Variants in TMEM131 observed in about 807,000 individuals in gnomAD.
TMEM131 encodes transmembrane protein 131.
In TMEM131, 66 loss-of-function variants were observed where a neutral mutation model predicts 211.6. The observed-to-expected ratio is 0.31, with a 90% CI of 0.26 to 0.38. The LOEUF (loss-of-function observed/expected upper bound fraction) is 0.38, where lower values mean the gene tolerates loss of function less well. Ranked by LOEUF, TMEM131 falls within the 10% of genes least tolerant of loss-of-function variation. The probability of loss-of-function intolerance (pLI) is 1.00; values close to 1 mark genes in which losing one functional copy is unlikely to be tolerated. For synonymous variants in TMEM131, 844 were observed against 841.3 expected, an observed-to-expected ratio of 1.00 and a Z score of -0.06; for missense variants, 2,036 against 2,299.3, an observed-to-expected ratio of 0.89 and a Z score of 2.34.
At chr2:97,836,661 T>C (rs1010814238) in intron 8 of TMEM131, among the ~76,000 whole-genome samples, 2 of 152,186 alleles carry the variant, frequency 1.3e-5, no homozygotes, top group African/African-American at 4.8e-5. Context: ...CCTTTACCAA[T>C]GGTGAATCTG....
At chr2:97,827,560 A>C in intron 11 of TMEM131, 5 of 921,168 alleles carry the variant, frequency 5.4e-6, no homozygotes, top group South Asian at 3.9e-5. Context: ...ATAACCATAT[A>C]CCATGTCTTA....
At chr2:97,839,231 G>C (rs1234811177) in intron 7 of TMEM131, among the ~76,000 whole-genome samples, 3 of 152,112 alleles carry the variant, frequency 2.0e-5, no homozygotes, top group Non-Finnish European at 2.9e-5. Context: ...GGAGACTGAG[G>C]TAAAAGGATT....
At chr2:97,980,144 C>T (rs1041581161) in intron 1 of TMEM131, among the ~76,000 whole-genome samples, 1 of 152,100 alleles carries the variant, frequency 6.6e-6, no homozygotes, top group Non-Finnish European at 1.5e-5. Context: ...AAAACAATTA[C>T]ACAATCACAT....
intron 33 of TMEM131, among the ~76,000 whole-genome samples, chr2:97,767,083 C>G (rs867660095): frequency 7.9e-5 from 12 of 152,140 alleles, no homozygotes; most frequent in Non-Finnish European, 1.2e-4. Context: ...ACAAATTTTT[C>G]TCATAGAAAT....
Position 97,912,987 on chromosome 2 carries a change from G to A in TMEM131, c.250-4289C>T, listed in dbSNP as rs1430633579. On this transcript the variant is annotated intron_variant, in intron 2 of 40. Coordinates refer to ENST00000186436, the MANE Select transcript of TMEM131 (RefSeq NM_015348.2). ...CTGATAATTTTATCCCTGTAACTCA[G>A]TGGTTCTCAACCGAGGGCAATTTTG... 7.9e-5 allele frequency: 12 copies of A among 152,164 alleles called. 1 individual carries two copies. The allele number at this position is 152,164 out of a possible 1,614,324, so 9.4% of individuals were successfully genotyped here.
intron 3 of TMEM131, among the ~76,000 whole-genome samples, chr2:97,908,178 A>G (rs1676149313): frequency 6.6e-6 from 1 of 152,100 alleles, no homozygotes; most frequent in African/African-American, 2.4e-5. Flanking sequence ...GCATGTACCT[A>G]TTTTCCTTAA....
At chr2:97,776,334 C>T (rs1679728689) in intron 31 of TMEM131, among the ~76,000 whole-genome samples, 1 of 152,158 alleles carries the variant, frequency 6.6e-6, no homozygotes, top group African/African-American at 2.4e-5. Flanking sequence ...GGATTACAGG[C>T]GTGAGCCACC....
chr2:97,853,606 G>C (rs1264925279), intron 5 of TMEM131, among the ~76,000 whole-genome samples: 2 of 100,730 alleles, frequency 2.0e-5, no homozygotes, highest in African/African-American at 7.9e-5. Flanking sequence ...ACCCCGTCTT[G>C]GAAAAAAAAA....
rs750764872 is a variant in TMEM131, at chr2:97,805,110, T to G, written c.2380A>C (p.Ile794Leu). ...CACCTATGACCTGAATTTTCCTTTA[T>G]TCCTGTCCATCCCTTGAACAGGCTT... Reference protein sequence around the residue: ...HQSLFKGWTGIKENSGHRLSA... With the variant: ...HQSLFKGWTGLKENSGHRLSA... Residue 794 changes from isoleucine to leucine, a missense_variant, in exon 22 of 41, where the codon ATA becomes CTA. Ile to Leu is a conservative substitution (Grantham distance 5, BLOSUM62 2). Coordinates refer to ENST00000186436, the MANE Select transcript of TMEM131 (RefSeq NM_015348.2). 6.2e-7 allele frequency: 1 copy of G among 1,613,026 alleles called. No individual in the cohort carries two copies. The highest frequency in any genetic ancestry group is 1.1e-5 in the South Asian group (1 of 90,880).
intron 11 of TMEM131, among the ~76,000 whole-genome samples, chr2:97,829,150 G>A (rs954891065): frequency 1.3e-5 from 2 of 152,190 alleles, no homozygotes; most frequent in Non-Finnish European, 2.9e-5. Context: ...ACAGCAGTTG[G>A]GGTGTCCTAT....
intron 19 of TMEM131, among the ~76,000 whole-genome samples, chr2:97,806,539 TCAAA>T (rs753846713): frequency 3.9e-5 from 6 of 152,140 alleles, no homozygotes; most frequent in South Asian, 4.1e-4. Context: ...AGACTCCATC[TCAAA>T]CAAACAAACA....
intron 2 of TMEM131, among the ~76,000 whole-genome samples, chr2:97,919,578 T>G (rs1371126157): frequency 6.6e-6 from 1 of 152,224 alleles, no homozygotes; most frequent in African/African-American, 2.4e-5. Flanking sequence ...GCTTTGACTT[T>G]TCTTTTTTTG....
At chr2:97,944,265 T>G (rs1677931953) in intron 1 of TMEM131, among the ~76,000 whole-genome samples, 1 of 151,994 alleles carries the variant, frequency 6.6e-6, no homozygotes, top group Non-Finnish European at 1.5e-5. Flanking sequence ...CTGGAATAAC[T>G]AGGTATCTGC....
intron 1 of TMEM131, among the ~76,000 whole-genome samples, chr2:97,960,303 C>A (rs1678761606): frequency 6.6e-6 from 1 of 152,178 alleles, no homozygotes; most frequent in Non-Finnish European, 1.5e-5. Context: ...ATTCCTTGTA[C>A]ATTTACTAGA....
intron 1 of TMEM131, among the ~76,000 whole-genome samples, chr2:97,988,887 T>C (rs934682474): frequency 5.3e-5 from 8 of 152,184 alleles, no homozygotes; most frequent in African/African-American, 1.9e-4. Context: ...TATCACATGA[T>C]CCAGAAATCT....
intron 2 of TMEM131, 36 bp from the exon 3 acceptor site, chr2:97,908,734 A>G: frequency 6.4e-7 from 1 of 1,560,476 alleles, no homozygotes; most frequent in Non-Finnish European, 8.8e-7. Flanking sequence ...AAAAAACTGA[A>G]GCCAAATATT....
At chr2:97,762,341 G>GAA in intron 35 of TMEM131, 141 bp from the exon 36 acceptor site, 1 of 808,382 alleles carries the variant, frequency 1.2e-6, no homozygotes, top group Non-Finnish European at 1.9e-6. Flanking sequence ...GATGTGTTCT[G>GAA]TTTAACAGGT....
At chr2:97,846,333 G>A (rs1271991554) in intron 5 of TMEM131, among the ~76,000 whole-genome samples, 2 of 152,018 alleles carry the variant, frequency 1.3e-5, no homozygotes, top group African/African-American at 2.4e-5. Flanking sequence ...GATATAAAAC[G>A]GGCAACACAT....
At chr2:97,936,376 A>G (rs1235912829) in intron 1 of TMEM131, among the ~76,000 whole-genome samples, 1 of 152,212 alleles carries the variant, frequency 6.6e-6, no homozygotes, top group East Asian at 1.9e-4. Flanking sequence ...GACATCCCTA[A>G]GCTCTCACAC....
Sources: gnomAD v4.1 joint callset for allele counts (sites outside exome capture counted in the v4.1 genomes callset) on GRCh38, gnomAD v4.1.1 for gene constraint, MANE v1.5 for transcripts, NCBI Gene and HGNC (gene_info 2026-07-23, HGNC 2026-07-21) for gene names.